The following ATF6 variants were observed in gnomAD, a reference collection of about 807,000 sequenced individuals.
ATF6 encodes the protein cyclic AMP-dependent transcription factor ATF-6 alpha.
Under a neutral mutation model 83.6 loss-of-function variants are expected in ATF6, and 53 were observed. The observed-to-expected ratio is 0.63, with a 90% CI of 0.51 to 0.80. The LOEUF is 0.80. Among genes scored for constraint, ATF6 ranks in the 30% least tolerant of loss-of-function variants. ATF6 has a pLI of 0.00. For synonymous variants in ATF6, 288 were observed against 285.8 expected, an observed-to-expected ratio of 1.01 and a Z score of -0.08; for missense variants, 744 against 797.9, an observed-to-expected ratio of 0.93 and a Z score of 0.81.
chr1:161,816,611 G>C (rs978080173), intron 7 of ATF6, among the ~76,000 whole-genome samples: 2 of 152,100 alleles, frequency 1.3e-5, no homozygotes, highest in Non-Finnish European at 2.9e-5. Flanking sequence ...AAAGAATCTT[G>C]AAAACTATAG....
At chr1:161,777,308 A>T (rs2101722128) in intron 1 of ATF6, among the ~76,000 whole-genome samples, 1 of 152,312 alleles carries the variant, frequency 6.6e-6, no homozygotes, top group East Asian at 1.9e-4. Flanking sequence ...CTTTTCTGAG[A>T]GTCATGTGAG....
intron 7 of ATF6, among the ~76,000 whole-genome samples, chr1:161,807,673 A>C (rs539031102): frequency 6.6e-6 from 1 of 152,174 alleles, no homozygotes. Context: ...GTAGGTTTGG[A>C]GCTTCTAAAA....
chr1:161,820,877 T>C (rs969004560), intron 8 of ATF6, among the ~76,000 whole-genome samples, 193 bp from the exon 9 acceptor site: 1 of 151,996 alleles, frequency 6.6e-6, no homozygotes, highest in African/African-American at 2.4e-5. Context: ...AAAGGGAACC[T>C]GGAAGTCTCT....
intron 9 of ATF6, among the ~76,000 whole-genome samples, chr1:161,844,201 T>A (rs1272729045): frequency 6.6e-6 from 1 of 152,200 alleles, no homozygotes; most frequent in Non-Finnish European, 1.5e-5. Context: ...CTGTGGCCAA[T>A]TCTGGACATT....
Position 161,766,417 on chromosome 1 carries a change from C to G in ATF6, c.57C>G (p.Leu19=). The G allele has an allele frequency of 1.9e-6, 3 of 1,613,466 alleles. No homozygotes were observed. In the African/African-American group the frequency reaches 4.0e-5, roughly 22 times the overall value. The stretch of plus-strand genomic sequence containing the variant: ...TGGAGTCACCTTTTAGCCCGGGACT[C>G]TTTCACAGGCTGGATGAAGATTGGG... ...GTMESPFSPG[L]FHRLDEDWDS... Residue 19 remains leucine (L), a synonymous_variant, in exon 1 of 16, where the codon CTC becomes CTG. Coordinates refer to ENST00000367942, the MANE Select transcript of ATF6 (RefSeq NM_007348.4).
chr1:161,859,668 G>T lies in ATF6; in HGVS notation c.1534-539G>T, dbSNP rs572238847. ...CAAAGCAAATGCTGTGTGAAAGACA[G>T]GTTTCCAGTGTAGCATATGTGGGCC... On this transcript the variant is annotated intron_variant, in intron 12 of 15. Transcript: ENST00000367942. 1.2e-4 allele frequency among the ~76,000 whole-genome samples: 18 copies of T among 152,268 alleles called. No homozygotes were observed. In the East Asian group the frequency reaches 3.3e-3, roughly 28 times the overall value.
chr1:161,772,671 C>T (rs1208515959), intron 1 of ATF6, among the ~76,000 whole-genome samples: 1 of 151,910 alleles, frequency 6.6e-6, no homozygotes, highest in Non-Finnish European at 1.5e-5. Flanking sequence ...CATTTCCCCT[C>T]TCTACTAGAT....
In ATF6 at chr1:161,851,792, C is replaced by G. The variant is rs760775959; in HGVS notation, c.1390C>G (p.Pro464Ala). 6.2e-7 allele frequency: 1 copy of G among 1,613,906 alleles called. No homozygotes were observed. Among genetic ancestry groups the G allele is most frequent in the South Asian group, 1.1e-5 (1 of 91,062 alleles). ...LTEEPLLYIP[P>A]PPCQPLINTT... ...TGAAGAACCATTGCTTTACATTCCT[C>G]CACCTCCTTGTCAGCCCCTAATTAA... Residue 464 changes from proline to alanine, a missense_variant, in exon 11 of 16, where the codon CCA becomes GCA. Pro to Ala is a conservative substitution (Grantham distance 27, BLOSUM62 -1). Transcript: ENST00000367942.
At chr1:161,915,189 A>C (rs1364056032) in intron 15 of ATF6, among the ~76,000 whole-genome samples, 1 of 152,020 alleles carries the variant, frequency 6.6e-6, no homozygotes, top group East Asian at 1.9e-4. Flanking sequence ...CTGCATCTAC[A>C]CCCACAAACT....
At chr1:161,790,152 A>C (rs1257335738) in intron 4 of ATF6, among the ~76,000 whole-genome samples, 1 of 152,040 alleles carries the variant, frequency 6.6e-6, no homozygotes, top group Non-Finnish European at 1.5e-5. Flanking sequence ...TTTATGGTCT[A>C]GTTTTTATTG....
rs1208202228 is a variant in ATF6, at chr1:161,850,966, C to T, written c.1320-756C>T. On this transcript the variant is annotated intron_variant, in intron 10 of 15. Coordinates refer to ENST00000367942, the MANE Select transcript of ATF6 (RefSeq NM_007348.4). ...TGAATTCACATGATCTACATCAGTG[C>T]GATGGCTAGGAAAGTATATATTTTT... 2.0e-5 allele frequency among the ~76,000 whole-genome samples: 3 copies of T among 152,192 alleles called. No homozygotes were observed. The East Asian group carries it at 5.8e-4, about 29-fold the overall frequency.
At chr1:161,785,966 A>T in intron 4 of ATF6, among the ~76,000 whole-genome samples, 1 of 148,704 alleles carries the variant, frequency 6.7e-6, no homozygotes, top group African/African-American at 2.5e-5. Context: ...GTCATTTCAA[A>T]TTTTTGTTCT....
chr1:161,851,106 TG>T (rs1474232700), intron 10 of ATF6, among the ~76,000 whole-genome samples: 3 of 151,382 alleles, frequency 2.0e-5, no homozygotes, highest in Non-Finnish European at 4.4e-5. Context: ...ACTTTTCTCC[TG>T]CCAAGCATTT....
rs188168598 is a variant in ATF6 at position 161,835,181 on chromosome 1, T to C, written c.1188-11268T>C. Among the ~76,000 whole-genome samples, 142 of 152,284 alleles carry C rather than the reference T, an allele frequency of 9.3e-4. 1 individual carries two copies. The highest frequency in any genetic ancestry group is 3.2e-3 in the African/African-American group (135 of 41,566). Reference sequence around the variant, plus strand: ...AACTCCTAGGCTCAAGCCTCCTGAGTAGTTAGTACTCTAGATACACACCAC... The same window carrying C: ...AACTCCTAGGCTCAAGCCTCCTGAGCAGTTAGTACTCTAGATACACACCAC... On this transcript the variant is annotated intron_variant, in intron 9 of 15. Transcript: ENST00000367942.
At chr1:161,822,347 G>A (rs781642039) in intron 9 of ATF6, among the ~76,000 whole-genome samples, 1 of 152,092 alleles carries the variant, frequency 6.6e-6, no homozygotes, top group Non-Finnish European at 1.5e-5. Flanking sequence ...TGAAGCCAAA[G>A]TAAAAAGAGC....
chr1:161,805,785 G>T (rs1266708830), intron 7 of ATF6, among the ~76,000 whole-genome samples: 1 of 150,116 alleles, frequency 6.7e-6, no homozygotes, highest in Non-Finnish European at 1.5e-5. Flanking sequence ...TAAACCAAAA[G>T]TATGGTGAAA....
chr1:161,834,242 A>C (rs963595586), intron 9 of ATF6, among the ~76,000 whole-genome samples: 2 of 152,154 alleles, frequency 1.3e-5, no homozygotes, highest in Admixed American at 6.5e-5. Context: ...GCCCTACAAG[A>C]GCTCCGGAAG....
intron 15 of ATF6, among the ~76,000 whole-genome samples, chr1:161,937,387 T>C (rs901860891): frequency 6.6e-6 from 1 of 151,900 alleles, no homozygotes; most frequent in Admixed American, 6.6e-5. Flanking sequence ...TAATGCCTTT[T>C]ATCTCTGGTT....
chr1:161,890,661 G>A lies in ATF6; in HGVS notation c.1720-21635G>A, dbSNP rs111425000. ...GGTTCTCTGCTAACATGTGGTCCTCGATGCTCTAGCGGATTGGCCCCAAAC... is the reference window on the plus strand; with the variant it reads ...GGTTCTCTGCTAACATGTGGTCCTCAATGCTCTAGCGGATTGGCCCCAAAC... On this transcript the variant is annotated intron_variant, in intron 14 of 15. Coordinates refer to ENST00000367942, the MANE Select transcript of ATF6 (RefSeq NM_007348.4). Among the ~76,000 whole-genome samples, 295 of 152,324 alleles carry A rather than the reference G, an allele frequency of 1.9e-3. 3 individuals are homozygous for A. The highest frequency in any genetic ancestry group is 6.5e-3 in the African/African-American group (272 of 41,570).
Sources: allele counts gnomAD v4.1 joint callset (sites outside exome capture counted in the v4.1 genomes callset), GRCh38; gene constraint gnomAD v4.1.1; transcripts MANE v1.5; gene names NCBI Gene and HGNC (gene_info 2026-07-23, HGNC 2026-07-21).